MAST2: variants seen among roughly 807,000 people sequenced by gnomAD.
MAST2 encodes microtubule-associated serine/threonine-protein kinase 2.
A neutral mutation model predicts 147.4 loss-of-function variants in MAST2; 70 were observed. That is an observed-to-expected ratio of 0.47 (90% CI 0.39 to 0.58). The LOEUF is 0.58. Ranked by LOEUF, MAST2 falls within the 20% of genes least tolerant of loss-of-function variation. The pLI, the probability that MAST2 is intolerant of heterozygous loss-of-function variation, is 0.00. For missense variants in MAST2, 2,080 were observed against 2,302.3 expected, an observed-to-expected ratio of 0.90 and a Z score of 1.98; for synonymous variants, 869 against 896.8, an observed-to-expected ratio of 0.97 and a Z score of 0.55.
At chr1:45,916,969 T>A (rs1652638366) in intron 4 of MAST2, among the ~76,000 whole-genome samples, 1 of 152,144 alleles carries the variant, frequency 6.6e-6, no homozygotes, top group Non-Finnish European at 1.5e-5. Flanking sequence ...TCCCAGCTAC[T>A]TGGGAGGCTG....
At chr1:45,845,031 A>G (rs1329835681) in intron 3 of MAST2, among the ~76,000 whole-genome samples, 2 of 152,142 alleles carry the variant, frequency 1.3e-5, no homozygotes, top group Non-Finnish European at 2.9e-5. Flanking sequence ...CAGAGCTTTC[A>G]TGACTTAAAC....
chr1:45,907,002 C>T (rs748577682), intron 4 of MAST2, among the ~76,000 whole-genome samples: 1 of 152,072 alleles, frequency 6.6e-6, no homozygotes, highest in African/African-American at 2.4e-5. Flanking sequence ...TACAGGTTTG[C>T]GGCCTGGAAG....
At chr1:45,943,366 G>A (rs1657589034) in intron 4 of MAST2, among the ~76,000 whole-genome samples, 1 of 152,136 alleles carries the variant, frequency 6.6e-6, no homozygotes, top group South Asian at 2.1e-4. Context: ...TTGGTCAGGG[G>A]CATCCAGACT....
rs370209248 is a variant in MAST2, at chr1:45,929,407, G to T, written c.501-29979G>T. 3.3e-4 allele frequency among the ~76,000 whole-genome samples: 51 copies of T among 152,270 alleles called. 1 individual carries two copies. The South Asian group carries it at 4.4e-3, about 13-fold the overall frequency. On this transcript the variant is annotated intron_variant, in intron 4 of 28. Transcript: ENST00000361297. ...CAGGGGGGGAGTTGTTGGTGGTGAA[G>T]CCCCTTGGAGTTTGCCATTTACATA...
chr1:45,900,927 A>G (rs79978857), intron 4 of MAST2, among the ~76,000 whole-genome samples: 2 of 152,074 alleles, frequency 1.3e-5, no homozygotes, highest in Admixed American at 6.5e-5. Context: ...TAGTTGGCAG[A>G]TATTTTCTCC....
chr1:45,971,581 G>A (rs948179925), intron 5 of MAST2, among the ~76,000 whole-genome samples: 1 of 152,184 alleles, frequency 6.6e-6, no homozygotes, highest in African/African-American at 2.4e-5. Flanking sequence ...TTTCTGCAGT[G>A]TGCCTCCAAT....
rs185667151 is a variant in MAST2, at chr1:45,853,300, A to G, written c.468+23719A>G. ...TTGTTGGATATGTGGTTTGCAAATA[A>G]CTTTTTTATTCTTTTTAACAGAGTG... is the stretch of plus-strand genomic sequence containing the variant. On this transcript the variant is annotated intron_variant, in intron 3 of 28. Transcript: ENST00000361297. Among the ~76,000 whole-genome samples, 3 of 144,578 alleles carry G rather than the reference A, an allele frequency of 2.1e-5. No individual in the cohort carries two copies. In the East Asian group the frequency reaches 6.2e-4, roughly 30 times the overall value. 94.8% of individuals were successfully genotyped at this position (144,578 alleles called of 152,430 possible).
intron 4 of MAST2, among the ~76,000 whole-genome samples, chr1:45,955,193 T>C (rs1372041990): frequency 2.0e-5 from 3 of 150,614 alleles, no homozygotes; most frequent in African/African-American, 7.3e-5. Context: ...ATATATACCA[T>C]CATATATATA....
intron 5 of MAST2, among the ~76,000 whole-genome samples, chr1:45,965,332 CATT>C (rs761402842): frequency 2.6e-5 from 4 of 152,150 alleles, no homozygotes; most frequent in Non-Finnish European, 5.9e-5. Flanking sequence ...TAAAGTCTCC[CATT>C]ATTATTGTGT....
chr1:46,001,026 T>C (rs1571152495), intron 6 of MAST2: 1 of 1,265,792 alleles, frequency 7.9e-7, no homozygotes, highest in East Asian at 5.6e-5. Context: ...CTGCTATGCA[T>C]GGCCAGACAA....
intron 3 of MAST2, 65 bp downstream of exon 3, chr1:45,829,646 A>G: frequency 6.8e-7 from 1 of 1,464,426 alleles, no homozygotes; most frequent in Non-Finnish European, 9.3e-7. Flanking sequence ...TGTCATTGCA[A>G]CATCTATTCT....
intron 6 of MAST2, 44 bp downstream of exon 6, chr1:45,997,843 C>T (rs1645119784): frequency 1.3e-6 from 2 of 1,492,380 alleles, no homozygotes; most frequent in African/African-American, 2.8e-5. Context: ...ACATGTGGCA[C>T]TTGCATGAGG....
intron 3 of MAST2, among the ~76,000 whole-genome samples, chr1:45,833,348 G>A (rs1455841851): frequency 6.6e-6 from 1 of 151,234 alleles, no homozygotes; most frequent in East Asian, 1.9e-4. Context: ...ATGTGCCTAG[G>A]GATGGAGGAG....
In MAST2 at chr1:45,981,495, C is replaced by G. The variant is rs150725999; in HGVS notation, c.593-16229C>G. Reference sequence around the variant, plus strand: ...TCTGTGAGGTTAGGAATCTTGTGGCCTCTGGCTGAATAACTCCTGAGCCAT... The same window carrying G: ...TCTGTGAGGTTAGGAATCTTGTGGCGTCTGGCTGAATAACTCCTGAGCCAT... On this transcript the variant is annotated intron_variant, in intron 5 of 28. Coordinates refer to ENST00000361297, the MANE Select transcript of MAST2 (RefSeq NM_015112.3). Among the ~76,000 whole-genome samples, 7 of 152,264 alleles carry G rather than the reference C, an allele frequency of 4.6e-5. No homozygotes were observed. In the East Asian group the frequency reaches 1.4e-3, roughly 29 times the overall value.
intron 4 of MAST2, among the ~76,000 whole-genome samples, chr1:45,943,313 T>C (rs369054129): frequency 1.1e-4 from 16 of 152,184 alleles, no homozygotes; most frequent in African/African-American, 3.9e-4. Flanking sequence ...GCCATAGCAG[T>C]TGGAGGATTT....
At chr1:45,870,248 A>G (rs1367183437) in intron 3 of MAST2, among the ~76,000 whole-genome samples, 1 of 152,048 alleles carries the variant, frequency 6.6e-6, no homozygotes, top group East Asian at 1.9e-4. Context: ...TACCTGTTTG[A>G]CATGCCTTTC....
intron 5 of MAST2, among the ~76,000 whole-genome samples, chr1:45,997,317 T>A (rs930867773): frequency 6.6e-6 from 1 of 152,196 alleles, no homozygotes; most frequent in Non-Finnish European, 1.5e-5. Flanking sequence ...GAGATATATA[T>A]GCAAGAAACT....
At chr1:46,029,714 A>G in intron 19 of MAST2, 117 bp from the exon 20 acceptor site, 1 of 1,410,964 alleles carries the variant, frequency 7.1e-7, no homozygotes, top group Non-Finnish European at 9.7e-7. Flanking sequence ...AAAAGGGAAG[A>G]TGCTTGAGCT....
chr1:46,013,432 G>C (rs1338378646), intron 10 of MAST2, among the ~76,000 whole-genome samples: 1 of 152,130 alleles, frequency 6.6e-6, no homozygotes, highest in Non-Finnish European at 1.5e-5. Context: ...TGTAATCCCA[G>C]CACTTTGGGA....
Sources: gnomAD v4.1 joint callset for allele counts (sites outside exome capture counted in the v4.1 genomes callset) on GRCh38, gnomAD v4.1.1 for gene constraint, MANE v1.5 for transcripts, NCBI Gene and HGNC (gene_info 2026-07-23, HGNC 2026-07-21) for gene names.